Variants in GRM1 observed in about 807,000 individuals in gnomAD.
GRM1 encodes metabotropic glutamate receptor 1.
GRM1 carries 33 observed loss-of-function variants against 90.9 expected under a neutral mutation model. The ratio of observed to expected loss-of-function variants is 0.36; its 90% CI spans 0.28 to 0.49. The LOEUF is 0.49. GRM1 is among the 20% of genes least tolerant of loss of function. The probability of loss-of-function intolerance (pLI) is 0.99; values close to 1 mark genes in which losing one functional copy is unlikely to be tolerated. For missense variants in GRM1, 1,190 were observed against 1,534.3 expected (o/e 0.78, Z 3.75); for synonymous variants, 700 against 613.2 (o/e 1.14, Z -2.09).
intron 1 of GRM1, among the ~76,000 whole-genome samples, chr6:146,082,049 TG>T (rs1391545235): frequency 3.9e-5 from 6 of 152,112 alleles, no homozygotes; most frequent in African/African-American, 1.2e-4. Flanking sequence ...AATGGGTAGA[TG>T]GGGGCATTCT....
At chr6:146,305,496 T>C (rs1783544069) in intron 3 of GRM1, among the ~76,000 whole-genome samples, 2 of 152,206 alleles carry the variant, frequency 1.3e-5, no homozygotes, top group African/African-American at 4.8e-5. Flanking sequence ...TTCTGAAAAC[T>C]GTAACTTTTA....
intron 2 of GRM1, among the ~76,000 whole-genome samples, chr6:146,277,608 T>C (rs2114844102): frequency 6.6e-6 from 1 of 152,322 alleles, no homozygotes; most frequent in East Asian, 1.9e-4. Context: ...GCAACTGCCT[T>C]GGGGGAAGAC....
intron 2 of GRM1, among the ~76,000 whole-genome samples, chr6:146,214,054 C>A (rs985409964): frequency 6.6e-6 from 1 of 151,912 alleles, no homozygotes; most frequent in Admixed American, 6.6e-5. Flanking sequence ...ACCCTTTTTT[C>A]TAATTTTTTT....
At chr6:146,347,410 A>G (rs78370537) in intron 3 of GRM1, among the ~76,000 whole-genome samples, 2,853 of 152,330 alleles carry the variant, frequency 0.019, 40 homozygotes, top group Middle Eastern at 0.031. Flanking sequence ...CCGAATAAGA[A>G]GTAGACCTAG....
At chr6:146,118,950 A>G (rs1364072060) in intron 1 of GRM1, among the ~76,000 whole-genome samples, 1 of 152,240 alleles carries the variant, frequency 6.6e-6, no homozygotes, top group Non-Finnish European at 1.5e-5. Context: ...CTTTGGGTAT[A>G]TACCCAGTAA....
intron 6 of GRM1, among the ~76,000 whole-genome samples, chr6:146,395,193 C>G (rs960307434): frequency 2.0e-5 from 3 of 152,042 alleles, no homozygotes; most frequent in African/African-American, 7.2e-5. Flanking sequence ...CTTTTTAACT[C>G]TATCTGGAAA....
intron 2 of GRM1, among the ~76,000 whole-genome samples, chr6:146,288,319 TAG>T (rs1415742920): frequency 6.6e-6 from 1 of 152,058 alleles, no homozygotes; most frequent in Non-Finnish European, 1.5e-5. Flanking sequence ...TACTGGAAAG[TAG>T]AGGAGAGAGG....
intron 2 of GRM1, among the ~76,000 whole-genome samples, chr6:146,215,507 C>T (rs1034877562): frequency 1.3e-5 from 2 of 152,114 alleles, no homozygotes; most frequent in Non-Finnish European, 2.9e-5. Flanking sequence ...ATGTGAATAA[C>T]GTTCTAGAGA....
chr6:146,171,187 G>C (rs571776826), intron 2 of GRM1: 11 of 152,294 alleles, frequency 7.2e-5, no homozygotes. Flanking sequence ...GTACCATGTT[G>C]AAGGTTGCAG....
chr6:146,103,217 C>G (rs7739371), intron 1 of GRM1, among the ~76,000 whole-genome samples: 57,940 of 152,056 alleles, frequency 0.38, 11,573 homozygotes, highest in Middle Eastern at 0.53. Context: ...AAATCCTAAC[C>G]AGCATTATAT....
At chr6:146,133,191 A>G (rs550642821) in intron 1 of GRM1, among the ~76,000 whole-genome samples, 93 of 152,350 alleles carry the variant, frequency 6.1e-4, no homozygotes, top group African/African-American at 2.1e-3. Context: ...TGGAATTGGA[A>G]GGAGCCTCAG....
At chr6:146,152,297 A>G (rs534863241) in intron 1 of GRM1, among the ~76,000 whole-genome samples, 25 of 150,874 alleles carry the variant, frequency 1.7e-4, no homozygotes, top group African/African-American at 5.9e-4. Flanking sequence ...CTGAATGCCA[A>G]TGCCTTGCTT....
chr6:146,240,232 C>A (rs761181203), intron 2 of GRM1, among the ~76,000 whole-genome samples: 1 of 151,918 alleles, frequency 6.6e-6, no homozygotes, highest in African/African-American at 2.4e-5. Context: ...CTGGCTCCGA[C>A]GTTTTGACTG....
intron 1 of GRM1, among the ~76,000 whole-genome samples, chr6:146,092,712 G>T (rs976978344): frequency 6.6e-6 from 1 of 152,096 alleles, no homozygotes; most frequent in Non-Finnish European, 1.5e-5. Context: ...TTACTGCATG[G>T]AAGCTGGAAG....
intron 2 of GRM1, among the ~76,000 whole-genome samples, chr6:146,206,189 G>A (rs1379297730): frequency 6.6e-6 from 1 of 152,202 alleles, no homozygotes; most frequent in Non-Finnish European, 1.5e-5. Context: ...GCAGAAAGAT[G>A]TAGTCAGGAG....
Position 146,029,324 on chromosome 6 carries a change from G to C in GRM1, c.-194G>C. On this transcript the variant is annotated 5_prime_UTR_variant, in exon 1 of 8. Coordinates refer to ENST00000282753, the MANE Select transcript of GRM1 (RefSeq NM_001278064.2). Reference sequence around the variant, plus strand: ...GCCTCCAGCTTGTAGAGGCGGTCGTGGAGGACCCAGAGGAGGAGACGAAGG... The same window carrying C: ...GCCTCCAGCTTGTAGAGGCGGTCGTCGAGGACCCAGAGGAGGAGACGAAGG... The C allele has an allele frequency of 1.6e-6, 1 of 623,772 alleles. No homozygotes were observed. 38.6% of individuals were successfully genotyped at this position (623,772 alleles called of 1,614,324 possible). A position where few individuals can be genotyped will look rare whatever the true frequency, so the allele number is the denominator to read the frequency against.
intron 1 of GRM1, among the ~76,000 whole-genome samples, chr6:146,082,306 C>T (rs1776390433): frequency 6.6e-6 from 1 of 152,096 alleles, no homozygotes; most frequent in African/African-American, 2.4e-5. Flanking sequence ...CAGGCACCCA[C>T]CACCATGCTG....
At chr6:146,370,174 T>C (rs1181193890) in intron 5 of GRM1, among the ~76,000 whole-genome samples, 1 of 152,106 alleles carries the variant, frequency 6.6e-6, no homozygotes, top group Non-Finnish European at 1.5e-5. Context: ...CCTTTCTTGA[T>C]GTTGTGCAAG....
At chr6:146,103,681 T>C (rs1777124231) in intron 1 of GRM1, among the ~76,000 whole-genome samples, 1 of 152,192 alleles carries the variant, frequency 6.6e-6, no homozygotes, top group South Asian at 2.1e-4. Flanking sequence ...TTAATGGGAA[T>C]GCTGTGAGGC....
Sources: gnomAD v4.1 joint callset for allele counts (sites outside exome capture counted in the v4.1 genomes callset) on GRCh38, gnomAD v4.1.1 for gene constraint, MANE v1.5 for transcripts, NCBI Gene and HGNC (gene_info 2026-07-23, HGNC 2026-07-21) for gene names.